The following SENP3 variants were observed in gnomAD, a reference collection of about 807,000 sequenced individuals.
The protein encoded by SENP3 is SUMO specific peptidase 3.
A neutral mutation model predicts 66.2 loss-of-function variants in SENP3; 11 were observed. The ratio of observed to expected loss-of-function variants is 0.17; its 90% CI spans 0.10 to 0.28. The LOEUF is 0.28. SENP3 is among the 10% of genes least tolerant of loss of function. SENP3 has a pLI of 1.00. For synonymous variants in SENP3, 292 were observed against 277.6 expected (o/e 1.05, Z -0.52); for missense variants, 548 against 743.7 (o/e 0.74, Z 3.06).
chr17:7,570,211 C>A lies in SENP3; in HGVS notation c.1342-145C>A. 2 of 988,296 alleles carry A rather than the reference C, an allele frequency of 2.0e-6. No individual in the cohort carries two copies. The highest frequency in any genetic ancestry group is 2.3e-5 in the Admixed American group (1 of 43,226). 61.2% of individuals were successfully genotyped at this position (988,296 alleles called of 1,614,324 possible). A position where few individuals can be genotyped will look rare whatever the true frequency, so the allele number is the denominator to read the frequency against. On this transcript the variant is annotated intron_variant, in intron 7 of 10. Transcript: ENST00000321337. This position sits in a 1 kb window ranked among gnomAD's most constrained non-coding sequence, Gnocchi z 5.4. ...CCCCGAAGAACCGAAACATGCAGAT[C>A]CTGAGCTTGCCCACAATCTAGGCCT...
rs1162940704 is a variant in SENP3 at position 7,570,441 on chromosome 17, G to A, written c.1427G>A (p.Arg476His). ...WSLISVDVRR[R>H]TITYFDSQRT... ...CTCATCTCTGTTGATGTGAGGCGAC[G>A]CACCATCACCTATTTTGACTCGCAG... The change falls in exon 8 of 11, where the codon CGC (arginine) becomes CAC (histidine). Residue 476 changes from arginine (R) to histidine (H), a missense_variant. Arg to His is a conservative substitution (Grantham distance 29). Coordinates refer to ENST00000321337, the MANE Select transcript of SENP3 (RefSeq NM_015670.6). The surrounding 1 kb of genome is among the most constrained non-coding windows in gnomAD (Gnocchi z 5.4). 5 of 1,613,544 alleles carry A rather than the reference G, an allele frequency of 3.1e-6. No homozygotes were observed. The highest frequency in any genetic ancestry group is 2.7e-5 in the African/African-American group (2 of 74,880).
Position 7,570,867 on chromosome 17 carries a change from T to G in SENP3, c.1564-16T>G, listed in dbSNP as rs569557730. On this transcript the variant is annotated splice_polypyrimidine_tract_variant and intron_variant, in intron 9 of 10. Transcript: ENST00000321337. The surrounding 1 kb of genome is among the most constrained non-coding windows in gnomAD (Gnocchi z 5.4). ...GAGTCTCCATGTGAAGGGCCTGCTT[T>G]CTTTCTCTTCTCTAGAATGTGGCCA... The G allele has an allele frequency of 1.1e-5, 17 of 1,612,430 alleles. No individual in the cohort carries two copies. The highest frequency in any genetic ancestry group is 1.6e-4 in the Middle Eastern group (1 of 6,062).
At chr17:7,568,408 C>T (rs527314722) in intron 7 of SENP3, among the ~76,000 whole-genome samples, 29 of 152,264 alleles carry the variant, frequency 1.9e-4, no homozygotes, top group Non-Finnish European at 3.5e-4. Context: ...CCAGCCTGGC[C>T]GACCTGGCGA....
At chr17:7,565,906 C>T in intron 6 of SENP3, 142 bp downstream of exon 6, 1 of 688,194 alleles carries the variant, frequency 1.5e-6, no homozygotes, top group Middle Eastern at 3.1e-4. Flanking sequence ...GTATTAATTT[C>T]AAATCCGTAA....
At chr17:7,565,634 G>C (rs1317726461) in intron 5 of SENP3, 47 bp downstream of exon 5, 1 of 1,613,192 alleles carries the variant, frequency 6.2e-7, no homozygotes, top group African/African-American at 1.3e-5. Flanking sequence ...TCAGGGAGCA[G>C]GGTGTCTGGG....
At position 7,562,015 on chromosome 17, in the gene SENP3, C is replaced by T. The variant is rs1027004909; in HGVS notation, c.-260C>T. 5.3e-4 allele frequency: 211 copies of T among 399,158 alleles called. No individual in the cohort carries two copies. Among genetic ancestry groups the T allele is most frequent in the Non-Finnish European group, 8.4e-4 (191 of 226,890 alleles). The allele number at this position is 399,158 out of a possible 1,614,324, so 24.7% of individuals were successfully genotyped here. On this transcript the variant is annotated 5_prime_UTR_variant, in exon 1 of 11. Coordinates refer to ENST00000321337, the MANE Select transcript of SENP3 (RefSeq NM_015670.6). The surrounding 1 kb of genome is among the most constrained non-coding windows in gnomAD (Gnocchi z 5.0). The stretch of plus-strand genomic sequence containing the variant: ...AGGAGTGGCGGCGGCGGCGGTGGCG[C>T]TGGTGGCGGCGGTGGCGGAGGTGGA...
Position 7,570,627 on chromosome 17 carries a change from C to T in SENP3, c.1480-54C>T. ...GTCTGCCAGCACTGTACCCACCATACTGTGTTCAATTGAGAAACTTAGGGC... is the reference window on the plus strand; with the variant it reads ...GTCTGCCAGCACTGTACCCACCATATTGTGTTCAATTGAGAAACTTAGGGC... On this transcript the variant is annotated intron_variant, in intron 8 of 10. Coordinates refer to ENST00000321337, the MANE Select transcript of SENP3 (RefSeq NM_015670.6). This position sits in a 1 kb window ranked among gnomAD's most constrained non-coding sequence, Gnocchi z 5.4. 3 of 1,586,264 alleles carry T rather than the reference C, an allele frequency of 1.9e-6. No homozygotes were observed. Among genetic ancestry groups the T allele is most frequent in the Non-Finnish European group, 2.6e-6 (3 of 1,163,822 alleles).
chr17:7,565,973 G>A (rs993096685), intron 6 of SENP3: 2 of 529,134 alleles, frequency 3.8e-6, no homozygotes, highest in African/African-American at 1.9e-5. Flanking sequence ...AGTGTTTTTC[G>A]CTATGGCCAG....
chr17:7,571,417 G>GATCTACA lies in SENP3; in HGVS notation c.1659_1660insATCTACA (p.Gln554IlefsTer34). 1.2e-6 allele frequency: 2 copies of GATCTACA among 1,603,236 alleles called. No homozygotes were observed. The highest frequency in any genetic ancestry group is 1.7e-5 in the Admixed American group (1 of 58,530). On this transcript the variant is annotated frameshift_variant, in exon 11 of 11. Transcript: ENST00000321337. LOFTEE classifies it high-confidence loss of function. ...TGTCTCAGCCATTCAGCTTCACCCAGCAGGACATGCCCAAACTTCGTCGGC... is the reference window on the plus strand; with the variant it reads ...TGTCTCAGCCATTCAGCTTCACCCAGATCTACACAGGACATGCCCAAACTTCGTCGGC...
At chr17:7,569,405 T>C (rs2071294548) in intron 7 of SENP3, among the ~76,000 whole-genome samples, 1 of 109,922 alleles carries the variant, frequency 9.1e-6, no homozygotes, top group Non-Finnish European at 2.0e-5. Context: ...AAAAGATTTG[T>C]TTTTTCCTCC....
At chr17:7,567,048 A>G (rs1372647686) in intron 7 of SENP3, 44 bp downstream of exon 7, 11 of 1,238,374 alleles carry the variant, frequency 8.9e-6, no homozygotes, top group Non-Finnish European at 1.2e-5. Context: ...CCTTGCCTCT[A>G]AAGAATGAGA....
Position 7,562,048 on chromosome 17 carries a change from G to T in SENP3, c.-227G>T. The T allele has an allele frequency of 2.5e-6, 1 of 402,424 alleles. No homozygotes were observed. Among genetic ancestry groups the T allele is most frequent in the Non-Finnish European group, 4.4e-6 (1 of 228,880 alleles). 24.9% of individuals were successfully genotyped at this position (402,424 alleles called of 1,614,324 possible). A position where few individuals can be genotyped will look rare whatever the true frequency, so the allele number is the denominator to read the frequency against. ...GGCGGTGGCGGAGGTGGAGGTGGAG[G>T]TGGAAGCTGAAGCTGAAGCAGAGCC... On this transcript the variant is annotated 5_prime_UTR_variant, in exon 1 of 11. Coordinates refer to ENST00000321337, the MANE Select transcript of SENP3 (RefSeq NM_015670.6). This position sits in a 1 kb window ranked among gnomAD's most constrained non-coding sequence, Gnocchi z 5.0.
In SENP3 at chr17:7,563,406, G is replaced by GCGGCCCCCCCC; in HGVS notation, c.331_332insGGCCCCCCCCC (p.Pro111ArgfsTer24). 1 of 1,547,590 alleles carries GCGGCCCCCCCC rather than the reference G, an allele frequency of 6.5e-7. No homozygotes were observed. Among genetic ancestry groups the GCGGCCCCCCCC allele is most frequent in the Non-Finnish European group, 8.7e-7 (1 of 1,144,086 alleles). On this transcript the variant is annotated frameshift_variant, in exon 2 of 11. Coordinates refer to ENST00000321337, the MANE Select transcript of SENP3 (RefSeq NM_015670.6). LOFTEE classifies it high-confidence loss of function. ...GGAGTCAGCTGGGAACCTCCCAGCGGCCCCGCCCTTCCCGCCCCACTCATC... is the reference window on the plus strand; with the variant it reads ...GGAGTCAGCTGGGAACCTCCCAGCGGCGGCCCCCCCCCCCCGCCCTTCCCGCCCCACTCATC...
intron 5 of SENP3, 24 bp from the exon 6 acceptor site, chr17:7,565,693 A>G (rs1391508696): frequency 9.9e-6 from 16 of 1,613,958 alleles, no homozygotes; most frequent in Non-Finnish European, 1.4e-5. Context: ...CTCCATGGCA[A>G]GCTGCCTCCC....
chr17:7,564,019 G>T (rs1005286807), intron 2 of SENP3, among the ~76,000 whole-genome samples: 8 of 152,274 alleles, frequency 5.3e-5, no homozygotes, highest in Non-Finnish European at 8.8e-5. Flanking sequence ...GGAAACAGAT[G>T]CCCTAAGTAG....
chr17:7,568,436 A>C (rs2071284683), intron 7 of SENP3, among the ~76,000 whole-genome samples: 1 of 152,194 alleles, frequency 6.6e-6, no homozygotes, highest in Non-Finnish European at 1.5e-5. Flanking sequence ...TCTCTACTAA[A>C]AATATGAAAA....
chr17:7,563,775 T>G lies in SENP3; in HGVS notation c.699T>G (p.Pro233=). Residue 233 remains proline (P), a synonymous_variant, in exon 2 of 11, where the codon CCT becomes CCG. Transcript: ENST00000321337. ...GACTCAGGTGGACTCCAAAGTCTCC[T>G]CTGGACCCTGACTCGGGTAAGGTGG... ...EDGLRWTPKS[P]LDPDSGLLSC... 2 of 1,608,238 alleles carry G rather than the reference T, an allele frequency of 1.2e-6. No homozygotes were observed. Among genetic ancestry groups the G allele is most frequent in the Non-Finnish European group, 1.7e-6 (2 of 1,177,962 alleles).
In SENP3 at chr17:7,571,965, C is replaced by T. The variant is rs1197781368; in HGVS notation, c.*482C>T. On this transcript the variant is annotated 3_prime_UTR_variant, in exon 11 of 11. Transcript: ENST00000321337. ...GTCAATAAAGGATCCTTTGTTGATA[C>T]GTAAGTGGTGGTCTTCCTTAAGGGG... 2 of 146,886 alleles carry T rather than the reference C, an allele frequency of 1.4e-5. No homozygotes were observed. The highest frequency in any genetic ancestry group is 5.6e-5 in the African/African-American group (2 of 35,558). The allele number at this position is 146,886 out of a possible 1,614,324, so 9.1% of individuals were successfully genotyped here.
chr17:7,567,973 A>G (rs990908337), intron 7 of SENP3, among the ~76,000 whole-genome samples: 3 of 151,442 alleles, frequency 2.0e-5, no homozygotes, highest in Non-Finnish European at 1.5e-5. Flanking sequence ...GTGCTAAAGG[A>G]AGAGAGAGAG....
Sources: gnomAD v4.1 joint callset for allele counts (sites outside exome capture counted in the v4.1 genomes callset) on GRCh38, gnomAD v4.1.1 for gene constraint, Gnocchi (gnomAD v3.1) non-coding constraint, MANE v1.5 for transcripts, NCBI Gene and HGNC (gene_info 2026-07-23, HGNC 2026-07-21) for gene names.